Variants in HNF4G observed in about 807,000 individuals in gnomAD.
HNF4G encodes hepatocyte nuclear factor 4 gamma.
A neutral mutation model predicts 50.9 loss-of-function variants in HNF4G; 21 were observed. That is an observed-to-expected ratio of 0.41 (90% CI 0.29 to 0.59). The LOEUF (loss-of-function observed/expected upper bound fraction) is 0.59. HNF4G is among the 20% of genes least tolerant of loss of function. The probability of loss-of-function intolerance (pLI) is 0.26; values close to 1 mark genes in which losing one functional copy is unlikely to be tolerated. For missense variants in HNF4G, 527 were observed against 559.4 expected, an observed-to-expected ratio of 0.94 and a Z score of 0.58; for synonymous variants, 198 against 185.6, an observed-to-expected ratio of 1.07 and a Z score of -0.54.
At chr8:75,409,419 T>C (rs1490803288) in intron 1 of HNF4G, among the ~76,000 whole-genome samples, 5 of 149,540 alleles carry the variant, frequency 3.3e-5, no homozygotes, top group African/African-American at 1.2e-4. Context: ...TAGGGATTGC[T>C]AAGATTAAAA....
intron 1 of HNF4G, among the ~76,000 whole-genome samples, chr8:75,457,534 T>C (rs894915980): frequency 2.6e-5 from 4 of 152,190 alleles, no homozygotes; most frequent in Non-Finnish European, 5.9e-5. Context: ...AACCTGAGTC[T>C]ATGTGACTCT....
chr8:75,470,063 A>G (rs1812078094), intron 1 of HNF4G, among the ~76,000 whole-genome samples: 1 of 152,134 alleles, frequency 6.6e-6, no homozygotes, highest in Non-Finnish European at 1.5e-5. Context: ...TTCTCTTACT[A>G]TCTGAATATC....
At position 75,551,369 on chromosome 8, in the gene HNF4G, CTG is replaced by C. The variant is rs779064016; in HGVS notation, c.383-15_383-14del. On this transcript the variant is annotated splice_polypyrimidine_tract_variant and intron_variant, in intron 3 of 9. Transcript: ENST00000396423. ...ACTAAAGAGAAGTGCTCAATAAATA[CTG>C]TGTTTTTTCCCCCTAGCTGTACAAA... 9 of 1,409,962 alleles carry C rather than the reference CTG, an allele frequency of 6.4e-6. No homozygotes were observed. The South Asian group carries it at 8.1e-5, about 13-fold the overall frequency. The allele number at this position is 1,409,962 out of a possible 1,614,324, so 87.3% of individuals were successfully genotyped here. A position where few individuals can be genotyped will look rare whatever the true frequency, so the allele number is the denominator to read the frequency against.
intron 1 of HNF4G, among the ~76,000 whole-genome samples, chr8:75,444,281 C>G (rs911073231): frequency 7.9e-5 from 12 of 151,642 alleles, no homozygotes; most frequent in Admixed American, 3.3e-4. Flanking sequence ...GAAGGAAGCG[C>G]TAAACATGGA....
intron 2 of HNF4G, 28 bp from the exon 3 acceptor site, chr8:75,547,558 CT>C (rs764861823): frequency 7.0e-7 from 1 of 1,421,242 alleles, no homozygotes; most frequent in South Asian, 1.2e-5. Flanking sequence ...TTATAGTTTT[CT>C]GCAAACTGAT....
chr8:75,509,379 G>C (rs1805687994), intron 2 of HNF4G, among the ~76,000 whole-genome samples: 2 of 152,172 alleles, frequency 1.3e-5, no homozygotes, highest in African/African-American at 4.8e-5. Flanking sequence ...CATGCCAAGA[G>C]GAGGTGTATA....
At chr8:75,492,769 A>G (rs915353529) in intron 2 of HNF4G, among the ~76,000 whole-genome samples, 1 of 152,136 alleles carries the variant, frequency 6.6e-6, no homozygotes, top group Non-Finnish European at 1.5e-5. Flanking sequence ...CTACCCTCAC[A>G]GAAACCACTC....
At chr8:75,515,687 T>C (rs1475113662) in intron 2 of HNF4G, among the ~76,000 whole-genome samples, 1 of 151,920 alleles carries the variant, frequency 6.6e-6, no homozygotes, top group African/African-American at 2.4e-5. Context: ...AGAGAATAAA[T>C]TCACCTTTTC....
At chr8:75,516,291 A>AT (rs1043435772) in intron 2 of HNF4G, among the ~76,000 whole-genome samples, 181 of 151,716 alleles carry the variant, frequency 1.2e-3, no homozygotes, top group African/African-American at 3.9e-3. Flanking sequence ...TAGTTCAAAT[A>AT]TTTTTTTTTA....
At chr8:75,531,476 T>A (rs1226053993) in intron 2 of HNF4G, among the ~76,000 whole-genome samples, 1 of 152,120 alleles carries the variant, frequency 6.6e-6, no homozygotes, top group African/African-American at 2.4e-5. Flanking sequence ...TATCTAAGTA[T>A]TTTTCTCTGT....
intron 6 of HNF4G, 28 bp downstream of exon 6, chr8:75,556,097 G>T: frequency 8.3e-7 from 1 of 1,202,050 alleles, no homozygotes; most frequent in Non-Finnish European, 1.2e-6. Flanking sequence ...AATTTAAGAA[G>T]AAATTATGCA....
chr8:75,441,862 A>G (rs970128917), intron 1 of HNF4G, among the ~76,000 whole-genome samples: 1 of 152,268 alleles, frequency 6.6e-6, no homozygotes, highest in African/African-American at 2.4e-5. Flanking sequence ...TAGAATATTT[A>G]TAGCAGCACT....
At chr8:75,489,931 C>T (rs575617629) in intron 1 of HNF4G, among the ~76,000 whole-genome samples, 1 of 152,166 alleles carries the variant, frequency 6.6e-6, no homozygotes, top group African/African-American at 2.4e-5. Flanking sequence ...TAAACCATTC[C>T]AAAATCACAT....
intron 1 of HNF4G, among the ~76,000 whole-genome samples, chr8:75,428,370 A>G (rs1029491824): frequency 9.9e-5 from 15 of 152,204 alleles, no homozygotes; most frequent in African/African-American, 3.6e-4. Context: ...TTAAAATTAA[A>G]AAGAAAATAA....
chr8:75,421,621 G>T (rs775644042), intron 1 of HNF4G, among the ~76,000 whole-genome samples: 15 of 152,216 alleles, frequency 9.9e-5, no homozygotes, highest in Non-Finnish European at 1.6e-4. Flanking sequence ...GTAAGAGGCA[G>T]TTTACACGGA....
At chr8:75,525,414 C>T (rs1806151610) in intron 2 of HNF4G, among the ~76,000 whole-genome samples, 3 of 152,158 alleles carry the variant, frequency 2.0e-5, no homozygotes, top group Non-Finnish European at 4.4e-5. Context: ...ATGATCTGGC[C>T]GCTTCGGCCT....
intron 1 of HNF4G, among the ~76,000 whole-genome samples, chr8:75,455,811 T>C (rs1377032693): frequency 2.6e-5 from 4 of 152,170 alleles, no homozygotes; most frequent in African/African-American, 9.6e-5. Flanking sequence ...CAAGTTACTT[T>C]TGCTGCTTCT....
intron 1 of HNF4G, among the ~76,000 whole-genome samples, chr8:75,425,331 G>T (rs1004743873): frequency 2.6e-5 from 4 of 151,278 alleles, no homozygotes; most frequent in African/African-American, 7.3e-5. Flanking sequence ...TGATCCTCTC[G>T]CCTTGGCTTC....
chr8:75,410,086 G>A (rs909659678), intron 1 of HNF4G, among the ~76,000 whole-genome samples: 1 of 151,612 alleles, frequency 6.6e-6, no homozygotes, highest in Non-Finnish European at 1.5e-5. Context: ...TTTTTTAAAT[G>A]TGTCTACCCA....
Sources: allele counts gnomAD v4.1 joint callset (sites outside exome capture counted in the v4.1 genomes callset), GRCh38; gene constraint gnomAD v4.1.1; transcripts MANE v1.5; gene names NCBI Gene and HGNC (gene_info 2026-07-23, HGNC 2026-07-21).